Variants in TMEM181 observed in about 807,000 individuals in gnomAD.
TMEM181 encodes G protein-coupled receptor 178.
In TMEM181, 39 loss-of-function variants were observed where a neutral mutation model predicts 71.9. The ratio of observed to expected loss-of-function variants is 0.54; its 90% CI spans 0.42 to 0.71. The LOEUF is 0.71. TMEM181 is among the 30% of genes least tolerant of loss of function. The pLI is 0.00. For synonymous variants in TMEM181, 245 were observed against 228.8 expected (o/e 1.07, Z -0.64); for missense variants, 595 against 583.0 (o/e 1.02, Z -0.21).
intron 2 of TMEM181, among the ~76,000 whole-genome samples, chr6:158,578,083 T>TC (rs1008743674): frequency 1.2e-4 from 18 of 151,538 alleles, no homozygotes; most frequent in African/African-American, 4.1e-4. Context: ...AGAGCGAAAC[T>TC]CCATCTCAAA....
In TMEM181 at chr6:158,605,294, C is replaced by T. The variant is rs757159096; in HGVS notation, c.520C>T (p.Arg174Trp). The change falls in exon 7 of 17, where the codon CGG becomes TGG. Residue 174 changes from arginine (R) to tryptophan (W), a missense_variant. Arg to Trp is a moderately radical substitution (Grantham distance 101, BLOSUM62 -3). Coordinates refer to ENST00000684151, the MANE Select transcript of TMEM181 (RefSeq NM_001376852.1). The part of the protein sequence containing the change: ...TWKTYNPAFS[R>W]LEIWFRFFFV... ...GAAGACTTATAACCCTGCCTTCTCC[C>T]GGTTGGAAATCTGGTTCCGGTTTTT... The T allele has an allele frequency of 5.6e-6, 9 of 1,613,918 alleles. No homozygotes were observed. In the South Asian group the frequency reaches 6.6e-5, roughly 12 times the overall value.
chr6:158,539,662 A>G (rs1276131168), intron 1 of TMEM181, among the ~76,000 whole-genome samples: 5 of 152,240 alleles, frequency 3.3e-5, no homozygotes, highest in African/African-American at 1.2e-4. Flanking sequence ...CATATTTGCT[A>G]CATAATTTGG....
intron 16 of TMEM181, 81 bp from the exon 17 acceptor site, chr6:158,631,729 C>T (rs1786675864): frequency 7.1e-7 from 1 of 1,417,104 alleles, no homozygotes; most frequent in Admixed American, 2.0e-5. Flanking sequence ...TTAATTCCTG[C>T]TGGAATGGTG....
rs1583068679 is a variant in TMEM181, at chr6:158,634,491, A to C, written c.*2603A>C. 1 of 152,172 alleles carries C rather than the reference A, an allele frequency of 6.6e-6. No homozygotes were observed. The highest frequency in any genetic ancestry group is 2.1e-4 in the South Asian group (1 of 4,832). 9.4% of individuals were successfully genotyped at this position (152,172 alleles called of 1,614,324 possible). On this transcript the variant is annotated 3_prime_UTR_variant, in exon 17 of 17. Coordinates refer to ENST00000684151, the MANE Select transcript of TMEM181 (RefSeq NM_001376852.1). ...AGTAACATCATCTTTGGGATTTTTT[A>C]AATACTGGTCCAGTCTAGGAGAACC...
intron 10 of TMEM181, chr6:158,611,705 C>G (rs1785322243): frequency 4.3e-6 from 1 of 234,814 alleles, no homozygotes. Flanking sequence ...CCGAGGAATG[C>G]CGGGGAGGAA....
Position 158,585,296 on chromosome 6 carries a change from T to G in TMEM181, c.260-8T>G. On this transcript the variant is annotated splice_polypyrimidine_tract_variant and splice_region_variant and intron_variant, in intron 4 of 16. Coordinates refer to ENST00000684151, the MANE Select transcript of TMEM181 (RefSeq NM_001376852.1). ...TGGTCTCTAACACTGAATTTTTTTC[T>G]TTTGTAGAAACTTCTATTAAGACAA... 6.3e-7 allele frequency: 1 copy of G among 1,594,124 alleles called. No homozygotes were observed. The highest frequency in any genetic ancestry group is 8.5e-7 in the Non-Finnish European group (1 of 1,171,792).
At chr6:158,574,641 T>C (rs929677393) in intron 2 of TMEM181, among the ~76,000 whole-genome samples, 5 of 152,212 alleles carry the variant, frequency 3.3e-5, no homozygotes, top group African/African-American at 1.2e-4. Context: ...ATACAAGTGA[T>C]GTTCAGGATT....
chr6:158,625,021 G>A (rs1243071221), intron 11 of TMEM181, 83 bp from the exon 12 acceptor site: 1 of 1,079,540 alleles, frequency 9.3e-7, no homozygotes, highest in Admixed American at 1.7e-5. Flanking sequence ...AAAAACCTGT[G>A]GCTTTCCTGC....
At chr6:158,557,530 T>TTATTTATTTATC (rs950435773), upstream of TMEM181, among the ~76,000 whole-genome samples, 2 of 151,926 alleles carry the variant, frequency 1.3e-5, no homozygotes, top group African/African-American at 4.8e-5. Context: ...ATTTATTTAT[T>TTATTTATTTATC]TATTTGAGAC....
chr6:158,622,897 T>G (rs764397341), intron 10 of TMEM181, among the ~76,000 whole-genome samples: 10 of 152,236 alleles, frequency 6.6e-5, no homozygotes, highest in Non-Finnish European at 1.2e-4. Context: ...CCACACACTT[T>G]CAAGCCCTAT....
intron 5 of TMEM181, among the ~76,000 whole-genome samples, chr6:158,587,051 C>T (rs1783813855): frequency 6.6e-6 from 1 of 152,234 alleles, no homozygotes; most frequent in African/African-American, 2.4e-5. Flanking sequence ...AGCTTGATGA[C>T]ACCCACCTCT....
In TMEM181 at chr6:158,587,839, T is replaced by TA. The variant is rs1239959048; in HGVS notation, c.382-1832dup. ...ACTCGTAAGTATATGCAGCCTGAGA[T>TA]ACAGCTCTTTTGTTAATTAAAACAT... On this transcript the variant is annotated intron_variant, in intron 5 of 16. Coordinates refer to ENST00000684151, the MANE Select transcript of TMEM181 (RefSeq NM_001376852.1). 9.8e-5 allele frequency among the ~76,000 whole-genome samples: 15 copies of TA among 152,304 alleles called. No individual in the cohort carries two copies. In the East Asian group the frequency reaches 2.7e-3, roughly 27 times the overall value.
chr6:158,561,093 A>T (rs374511534), intron 1 of TMEM181, among the ~76,000 whole-genome samples: 7 of 152,258 alleles, frequency 4.6e-5, no homozygotes, highest in African/African-American at 1.4e-4. Context: ...GCAGCCTCCG[A>T]GGGGCCTGGG....
intron 6 of TMEM181, among the ~76,000 whole-genome samples, chr6:158,603,173 C>T (rs959895395): frequency 1.2e-4 from 18 of 152,150 alleles, no homozygotes; most frequent in Non-Finnish European, 2.4e-4. Context: ...GGTCCCCTGA[C>T]CTCCCAAATT....
chr6:158,631,492 A>C (rs1786663189), intron 16 of TMEM181, 103 bp downstream of exon 16: 1 of 1,291,106 alleles, frequency 7.7e-7, no homozygotes, highest in Non-Finnish European at 1.1e-6. Context: ...TCAAGGTATG[A>C]AGGCATTTAC....
Position 158,632,235 on chromosome 6 carries a change from T to A in TMEM181, c.*347T>A. 3.9e-6 allele frequency: 1 copy of A among 255,354 alleles called. No homozygotes were observed. The highest frequency in any genetic ancestry group is 7.8e-6 in the Non-Finnish European group (1 of 127,806). 15.8% of individuals were successfully genotyped at this position (255,354 alleles called of 1,614,324 possible). On this transcript the variant is annotated 3_prime_UTR_variant, in exon 17 of 17. Coordinates refer to ENST00000684151, the MANE Select transcript of TMEM181 (RefSeq NM_001376852.1). ...CCTGTAATCATTCACTGATTCCAAG[T>A]TCACGGGCAGCCTGTGACTAGGTCC...
intron 13 of TMEM181, among the ~76,000 whole-genome samples, chr6:158,627,826 G>T (rs1349362281): frequency 6.6e-6 from 1 of 152,190 alleles, no homozygotes; most frequent in African/African-American, 2.4e-5. Context: ...GCTGAGGGTG[G>T]CATGTGGGAG....
At chr6:158,563,938 C>T (rs1488143310) in intron 1 of TMEM181, among the ~76,000 whole-genome samples, 1 of 152,130 alleles carries the variant, frequency 6.6e-6, no homozygotes, top group Non-Finnish European at 1.5e-5. Context: ...CGCGCCACCA[C>T]ACCTAATTTT....
rs375809123 is a variant in TMEM181 at position 158,628,437 on chromosome 6, C to T, written c.1139C>T (p.Ala380Val). The T allele has an allele frequency of 2.4e-5, 38 of 1,614,068 alleles. No homozygotes were observed. Among genetic ancestry groups the T allele is most frequent in the African/African-American group, 4.0e-5 (3 of 74,936 alleles). ...SIAILYLRFGAQVLQDNFVAE... is the reference protein window; with the variant it reads ...SIAILYLRFGVQVLQDNFVAE... ...GCCATCCTTTATTTGAGATTTGGGG[C>T]GCAAGTACTACAAGACAATTTTGTA... Residue 380 changes from alanine to valine, a missense_variant, in exon 14 of 17, where the codon GCG (alanine) becomes GTG (valine). By Grantham distance (64) the Ala-to-Val change is moderately conservative (BLOSUM62 0). Transcript: ENST00000684151.
Sources: gnomAD v4.1 joint callset for allele counts (sites outside exome capture counted in the v4.1 genomes callset) on GRCh38, gnomAD v4.1.1 for gene constraint, MANE v1.5 for transcripts, NCBI Gene and HGNC (gene_info 2026-07-23, HGNC 2026-07-21) for gene names.